NCOA3: variants seen among roughly 807,000 people sequenced by gnomAD.
NCOA3 encodes CBP-interacting protein.
Under a neutral mutation model 158.8 loss-of-function variants are expected in NCOA3, and 51 were observed. That is an observed-to-expected ratio of 0.32 (90% CI 0.26 to 0.41). NCOA3 has a LOEUF of 0.41. NCOA3 is among the 10% of genes least tolerant of loss of function. The pLI, the probability that NCOA3 is intolerant of heterozygous loss-of-function variation, is 1.00. For synonymous variants in NCOA3, 537 were observed against 592.4 expected (o/e 0.91, Z 1.36); for missense variants, 1,510 against 1,746.6 (o/e 0.86, Z 2.41).
At chr20:47,612,495 G>A (rs2086060945) in intron 2 of NCOA3, among the ~76,000 whole-genome samples, 1 of 152,134 alleles carries the variant, frequency 6.6e-6, no homozygotes, top group Admixed American at 6.5e-5. Context: ...AGATGGAAAA[G>A]CGATGTGGGA....
intron 1 of NCOA3, among the ~76,000 whole-genome samples, chr20:47,548,623 G>A (rs1374793940): frequency 2.6e-5 from 4 of 152,114 alleles, no homozygotes; most frequent in Admixed American, 1.3e-4. Flanking sequence ...TGAGAAGAAG[G>A]GGTGGTACAT....
At chr20:47,522,779 C>T (rs1280727766) in intron 1 of NCOA3, among the ~76,000 whole-genome samples, 1 of 151,792 alleles carries the variant, frequency 6.6e-6, no homozygotes, top group Non-Finnish European at 1.5e-5. Context: ...AAGGCTGAGG[C>T]AATCTCCATG....
At chr20:47,524,585 G>T (rs905731455) in intron 1 of NCOA3, among the ~76,000 whole-genome samples, 3 of 152,174 alleles carry the variant, frequency 2.0e-5, no homozygotes, top group Non-Finnish European at 2.9e-5. Flanking sequence ...GGAGCAGAAG[G>T]TTTAATAGAT....
Position 47,639,811 on chromosome 20 carries a change from T to A in NCOA3, c.2942T>A (p.Met981Lys). The change falls in exon 15 of 23, where the codon ATG (methionine) becomes AAG (lysine). Residue 981 changes from methionine (M) to lysine (K), a missense_variant. Physicochemically the swap from Met to Lys is moderately conservative, Grantham distance 95 (BLOSUM62 -1). Coordinates refer to ENST00000371998, the MANE Select transcript of NCOA3 (RefSeq NM_181659.3). ...ARPVLQQQQQ[M>K]LQMRPGEIPM... ...CCAGTATTGCAACAGCAGCAGCAGA[T>A]GCTTCAAATGAGTAAGTGTCCACCC... 1.2e-6 allele frequency: 2 copies of A among 1,614,078 alleles called. No individual in the cohort carries two copies. The highest frequency in any genetic ancestry group is 3.3e-5 in the Admixed American group (2 of 60,024).
At position 47,656,568 on chromosome 20, in the gene NCOA3, T is replaced by C. The variant is rs1200409955; in HGVS notation, c.*3151T>C. On this transcript the variant is annotated 3_prime_UTR_variant, in exon 23 of 23. Coordinates refer to ENST00000371998, the MANE Select transcript of NCOA3 (RefSeq NM_181659.3). ...GAGCAAAACCTCAAGGATTGATTTATTGTTTTCAACTCCAAGGCACACTGT... is the reference window on the plus strand; with the variant it reads ...GAGCAAAACCTCAAGGATTGATTTACTGTTTTCAACTCCAAGGCACACTGT... The C allele has an allele frequency of 6.6e-6, 1 of 152,630 alleles. No individual in the cohort carries two copies. Among genetic ancestry groups the C allele is most frequent in the Non-Finnish European group, 1.5e-5 (1 of 68,048 alleles). 9.5% of individuals were successfully genotyped at this position (152,630 alleles called of 1,614,324 possible).
intron 2 of NCOA3, among the ~76,000 whole-genome samples, chr20:47,597,391 T>C (rs1380970714): frequency 1.3e-5 from 2 of 152,108 alleles, no homozygotes; most frequent in African/African-American, 4.8e-5. Flanking sequence ...ATCTTAAGGC[T>C]CTCTGGTCTC....
intron 2 of NCOA3, among the ~76,000 whole-genome samples, chr20:47,598,784 A>T (rs1298906165): frequency 2.0e-5 from 3 of 152,244 alleles, no homozygotes; most frequent in African/African-American, 7.2e-5. Context: ...GCATAAATAA[A>T]ATGTGGTGTA....
At chr20:47,644,524 T>C (rs532913034) in intron 17 of NCOA3, among the ~76,000 whole-genome samples, 1 of 152,214 alleles carries the variant, frequency 6.6e-6, no homozygotes, top group East Asian at 1.9e-4. Context: ...GCTTGGAAAG[T>C]GTTGGACGCT....
chr20:47,562,063 A>C (rs2085115688), intron 1 of NCOA3, among the ~76,000 whole-genome samples: 1 of 152,000 alleles, frequency 6.6e-6, no homozygotes, highest in East Asian at 1.9e-4. Flanking sequence ...ATATGCATTT[A>C]AGTTTCCTCC....
At chr20:47,643,897 T>C (rs961184031) in intron 17 of NCOA3, among the ~76,000 whole-genome samples, 7 of 151,618 alleles carry the variant, frequency 4.6e-5, no homozygotes, top group African/African-American at 1.5e-4. Flanking sequence ...TTGATTCATT[T>C]GCATGTGACC....
intron 20 of NCOA3, among the ~76,000 whole-genome samples, chr20:47,652,089 G>A (rs937844627): frequency 2.6e-5 from 4 of 152,112 alleles, no homozygotes; most frequent in Non-Finnish European, 2.9e-5. Flanking sequence ...TAACTCCCCT[G>A]CCCTTTAAAG....
intron 1 of NCOA3, among the ~76,000 whole-genome samples, chr20:47,565,910 C>CT (rs1287024539): frequency 6.6e-6 from 1 of 152,162 alleles, no homozygotes; most frequent in Non-Finnish European, 1.5e-5. Context: ...TTGTATGGTT[C>CT]TTTCATTGAC....
intron 2 of NCOA3, among the ~76,000 whole-genome samples, chr20:47,597,389 G>T (rs1015479981): frequency 7.3e-5 from 11 of 151,126 alleles, no homozygotes; most frequent in African/African-American, 2.4e-4. Context: ...TGATCTTAAG[G>T]CTCTCTGGTC....
rs72645297 is a variant in NCOA3 at position 47,650,921 on chromosome 20, A to G, written c.3652-61A>G. 4.6e-3 allele frequency: 6,824 copies of G among 1,485,598 alleles called. 308 individuals carry two copies. The African/African-American group carries it at 0.084, about 18-fold the overall frequency. 92.0% of individuals were successfully genotyped at this position (1,485,598 alleles called of 1,614,324 possible). A position where few individuals can be genotyped will look rare whatever the true frequency, so the allele number is the denominator to read the frequency against. The stretch of plus-strand genomic sequence containing the variant: ...ACCTGGTGTATTGTGGGGGTACTAT[A>G]TGTATGCAACTGGCAGGTTCTTGCT... On this transcript the variant is annotated intron_variant, in intron 19 of 22. Transcript: ENST00000371998.
intron 2 of NCOA3, among the ~76,000 whole-genome samples, chr20:47,594,758 T>G (rs2146247047): frequency 6.7e-6 from 1 of 149,386 alleles, no homozygotes; most frequent in South Asian, 2.1e-4. Flanking sequence ...ATCCCAGCAC[T>G]TTGGAAGGCT....
chr20:47,590,367 C>T (rs1157770557), intron 2 of NCOA3, among the ~76,000 whole-genome samples: 10 of 152,072 alleles, frequency 6.6e-5, no homozygotes, highest in Admixed American at 6.5e-4. Flanking sequence ...CTTGACCTAC[C>T]TGGAGTGCAG....
At chr20:47,603,396 G>C (rs945520000) in intron 2 of NCOA3, among the ~76,000 whole-genome samples, 1 of 152,262 alleles carries the variant, frequency 6.6e-6, no homozygotes, top group Non-Finnish European at 1.5e-5. Flanking sequence ...GATCTGGGGC[G>C]AGTGCCCCTG....
At chr20:47,518,674 C>G (rs1363484983) in intron 1 of NCOA3, among the ~76,000 whole-genome samples, 1 of 151,924 alleles carries the variant, frequency 6.6e-6, no homozygotes, top group Non-Finnish European at 1.5e-5. Context: ...ATCTACCTGC[C>G]TCGGCCTCCC....
intron 1 of NCOA3, among the ~76,000 whole-genome samples, chr20:47,567,114 C>T (rs1221586384): frequency 6.6e-6 from 1 of 151,828 alleles, no homozygotes; most frequent in Non-Finnish European, 1.5e-5. Context: ...GTGATGTGAT[C>T]TTAGCTCACT....
Sources: allele counts gnomAD v4.1 joint callset (sites outside exome capture counted in the v4.1 genomes callset), GRCh38; gene constraint gnomAD v4.1.1; transcripts MANE v1.5; gene names NCBI Gene and HGNC (gene_info 2026-07-23, HGNC 2026-07-21).